LUC7L2: variants seen among roughly 807,000 people sequenced by gnomAD.
LUC7L2 encodes the protein LUC7 like 2, pre-mRNA splicing factor.
LUC7L2 carries 25 observed loss-of-function variants against 52.8 expected under a neutral mutation model. The observed-to-expected ratio is 0.47, with a 90% CI of 0.34 to 0.66. LUC7L2 has a LOEUF of 0.66. LUC7L2 is among the 30% of genes least tolerant of loss of function. LUC7L2 has a pLI of 0.01. For missense variants in LUC7L2, 328 were observed against 497.8 expected (o/e 0.66, Z 3.25); for synonymous variants, 144 against 160.9 (o/e 0.89, Z 0.80).
intron 1 of LUC7L2, among the ~76,000 whole-genome samples, chr7:139,363,850 A>G (rs1438536478): frequency 6.6e-6 from 1 of 152,198 alleles, no homozygotes; most frequent in African/African-American, 2.4e-5. Context: ...GATGTTCCTT[A>G]GCTAAAGCCC....
At chr7:139,373,645 A>G (rs1230511220) in intron 1 of LUC7L2, among the ~76,000 whole-genome samples, 2 of 152,226 alleles carry the variant, frequency 1.3e-5, no homozygotes, top group East Asian at 1.9e-4. Flanking sequence ...GGTTTGCTAT[A>G]TTCCTATTAG....
intron 1 of LUC7L2, among the ~76,000 whole-genome samples, chr7:139,348,885 G>T (rs1460620545): frequency 6.6e-6 from 1 of 152,082 alleles, no homozygotes; most frequent in African/African-American, 2.4e-5. Context: ...TTAGGGCTGG[G>T]CATGGTGGCT....
intron 2 of LUC7L2, 26 bp downstream of exon 2, chr7:139,376,182 A>C (rs1800699811): frequency 1.9e-6 from 3 of 1,609,458 alleles, no homozygotes; most frequent in Non-Finnish European, 2.5e-6. Context: ...ATGTATTGTT[A>C]GATTACTGAT....
chr7:139,384,348 C>T (rs917862554), intron 2 of LUC7L2, among the ~76,000 whole-genome samples: 12 of 151,264 alleles, frequency 7.9e-5, no homozygotes, highest in African/African-American at 2.2e-4. Flanking sequence ...TCACTGCAAC[C>T]TCTGCCTCTC....
At chr7:139,396,583 CTATT>C (rs1190420449) in intron 2 of LUC7L2, among the ~76,000 whole-genome samples, 6 of 152,166 alleles carry the variant, frequency 3.9e-5, no homozygotes, top group Non-Finnish European at 8.8e-5. Context: ...TTTGTCTTCT[CTATT>C]TATTTCTGTT....
At chr7:139,396,339 G>A (rs1794663148) in intron 2 of LUC7L2, among the ~76,000 whole-genome samples, 1 of 152,030 alleles carries the variant, frequency 6.6e-6, no homozygotes, top group Non-Finnish European at 1.5e-5. Context: ...GTCGGGGAGG[G>A]GTGCTTAGGT....
chr7:139,361,491 T>C (rs1799881624), intron 1 of LUC7L2, among the ~76,000 whole-genome samples: 1 of 152,252 alleles, frequency 6.6e-6, no homozygotes, highest in African/African-American at 2.4e-5. Context: ...CTTTCAGCAG[T>C]GCGTAGAGTG....
chr7:139,365,530 A>G (rs1169269757), intron 1 of LUC7L2, among the ~76,000 whole-genome samples: 2 of 152,132 alleles, frequency 1.3e-5, no homozygotes, highest in South Asian at 4.1e-4. Context: ...TGAATCAGGT[A>G]CTCTTCAGTA....
chr7:139,379,458 A>C (rs1406266807), intron 2 of LUC7L2, among the ~76,000 whole-genome samples: 2 of 150,544 alleles, frequency 1.3e-5, no homozygotes, highest in Non-Finnish European at 2.9e-5. Context: ...TCTCTTCATA[A>C]TTGACAAGTT....
chr7:139,341,660 C>T, intron 1 of LUC7L2: 2 of 1,415,770 alleles, frequency 1.4e-6, no homozygotes, highest in Non-Finnish European at 1.9e-6. Flanking sequence ...TCTGACCAAA[C>T]CAACCCAGGC....
intron 1 of LUC7L2, chr7:139,341,630 C>T (rs1021113768): frequency 6.0e-6 from 9 of 1,499,396 alleles, no homozygotes; most frequent in Non-Finnish European, 7.1e-6. Flanking sequence ...CTGAGGCCAA[C>T]CCTCCCACGG....
Position 139,360,137 on chromosome 7 carries a change from G to A in LUC7L2, c.-125G>A. 1.6e-6 allele frequency: 1 copy of A among 618,934 alleles called. No individual in the cohort carries two copies. Among genetic ancestry groups the A allele is most frequent in the South Asian group, 1.9e-5 (1 of 52,388 alleles). 38.3% of individuals were successfully genotyped at this position (618,934 alleles called of 1,614,324 possible). On this transcript the variant is annotated 5_prime_UTR_variant, in exon 1 of 10. Transcript: ENST00000354926. ...AACCCCTCCGGCTCCCTTTCCGCACGCCTCGAGGCGGCGGCGGCCACCGAG... is the reference window on the plus strand; with the variant it reads ...AACCCCTCCGGCTCCCTTTCCGCACACCTCGAGGCGGCGGCGGCCACCGAG...
intron 1 of LUC7L2, among the ~76,000 whole-genome samples, chr7:139,362,622 CTTTTTTTTTT>C (rs79177935): frequency 8.7e-6 from 1 of 114,450 alleles, no homozygotes; most frequent in Admixed American, 8.2e-5. Context: ...CAACTCTGTC[CTTTTTTTTTT>C]TTTTTTTTAA....
Position 139,423,219 on chromosome 7 carries a change from C to T in LUC7L2, c.*879C>T, listed in dbSNP as rs1423889672. Reference sequence around the variant, plus strand: ...CTAGAACTATTTGCTGTGGGCATTTCCTCTATTCTGTTACGTCATTAACAG... The same window carrying T: ...CTAGAACTATTTGCTGTGGGCATTTTCTCTATTCTGTTACGTCATTAACAG... On this transcript the variant is annotated 3_prime_UTR_variant, in exon 10 of 10. Coordinates refer to ENST00000354926, the MANE Select transcript of LUC7L2 (RefSeq NM_016019.5). 1 of 398,876 alleles carries T rather than the reference C, an allele frequency of 2.5e-6. No individual in the cohort carries two copies. The highest frequency in any genetic ancestry group is 4.4e-6 in the Non-Finnish European group (1 of 226,066). The allele number at this position is 398,876 out of a possible 1,614,324, so 24.7% of individuals were successfully genotyped here.
At chr7:139,384,701 G>A (rs1240938697) in intron 2 of LUC7L2, among the ~76,000 whole-genome samples, 2 of 152,020 alleles carry the variant, frequency 1.3e-5, no homozygotes, top group African/African-American at 4.8e-5. Flanking sequence ...ATAGTAAACG[G>A]GGTACTCACG....
At position 139,417,873 on chromosome 7, in the gene LUC7L2, G is replaced by A. The variant is rs1271139150; in HGVS notation, c.1001+144G>A. 6 of 1,180,262 alleles carry A rather than the reference G, an allele frequency of 5.1e-6. No homozygotes were observed. The African/African-American group carries it at 6.3e-5, about 12-fold the overall frequency. The allele number at this position is 1,180,262 out of a possible 1,614,324, so 73.1% of individuals were successfully genotyped here. The stretch of plus-strand genomic sequence containing the variant: ...AATATGTACACATTTATGTGTGGGT[G>A]TACAACATTTTTCTGTGATTATATG... On this transcript the variant is annotated intron_variant, in intron 9 of 9. Coordinates refer to ENST00000354926, the MANE Select transcript of LUC7L2 (RefSeq NM_016019.5).
intron 1 of LUC7L2, among the ~76,000 whole-genome samples, chr7:139,368,684 G>A (rs969850694): frequency 6.9e-6 from 1 of 145,872 alleles, no homozygotes; most frequent in Non-Finnish European, 1.5e-5. Context: ...GTTGCTGTGA[G>A]CCCACATGGT....
intron 1 of LUC7L2, chr7:139,374,596 A>G: frequency 6.6e-7 from 1 of 1,512,834 alleles, no homozygotes; most frequent in South Asian, 1.3e-5. Flanking sequence ...TAAACTGAAT[A>G]TTCCAAATTG....
At chr7:139,370,896 G>T (rs767554702) in intron 1 of LUC7L2, among the ~76,000 whole-genome samples, 34 of 152,244 alleles carry the variant, frequency 2.2e-4, no homozygotes, top group Non-Finnish European at 4.4e-4. Flanking sequence ...GGAAAAAGAG[G>T]GAGGAACGTT....
Sources: allele counts gnomAD v4.1 joint callset (sites outside exome capture counted in the v4.1 genomes callset), GRCh38; gene constraint gnomAD v4.1.1; transcripts MANE v1.5; gene names NCBI Gene and HGNC (gene_info 2026-07-23, HGNC 2026-07-21).